The following PDSS2 variants were observed in gnomAD, a reference collection of about 807,000 sequenced individuals.
PDSS2 encodes decaprenyl diphosphate synthase subunit 2, also known as all trans-polyprenyl-diphosphate synthase PDSS2.
A neutral mutation model predicts 44.5 loss-of-function variants in PDSS2; 31 were observed. The ratio of observed to expected loss-of-function variants is 0.70; its 90% confidence interval spans 0.52 to 0.94. PDSS2 has a LOEUF of 0.94. Among genes scored for constraint, PDSS2 ranks in the 40% least tolerant of loss-of-function variants. The pLI, the probability that PDSS2 is intolerant of heterozygous loss-of-function variation, is 0.00. For synonymous variants in PDSS2, 157 were observed against 180.3 expected, an observed-to-expected ratio of 0.87 and a Z score of 1.03; for missense variants, 452 against 482.2, an observed-to-expected ratio of 0.94 and a Z score of 0.59.
rs185036088 is a variant in PDSS2 at position 107,301,782 on chromosome 6, T to G, written c.432-27555A>C. 2.1e-3 allele frequency among the ~76,000 whole-genome samples: 316 copies of G among 152,054 alleles called. 3 individuals carry two copies. The highest frequency in any genetic ancestry group is 6.8e-3 in the Middle Eastern group (2 of 294). On this transcript the variant is annotated intron_variant, in intron 2 of 7. Transcript: ENST00000369037. ...TTTGAGACCAGCTTGACCAACATGG[T>G]GAAACCTCATCTCTACTAAAATTAC...
intron 7 of PDSS2, among the ~76,000 whole-genome samples, chr6:107,173,450 T>G (rs1230551682): frequency 1.3e-5 from 2 of 151,470 alleles, no homozygotes; most frequent in African/African-American, 4.9e-5. Flanking sequence ...GGTGCACACC[T>G]GTAGTCCCAG....
At chr6:107,350,131 T>C (rs1778386118) in intron 1 of PDSS2, among the ~76,000 whole-genome samples, 1 of 152,232 alleles carries the variant, frequency 6.6e-6, no homozygotes, top group South Asian at 2.1e-4. Context: ...GAAACAATGT[T>C]GTATTCTTCC....
intron 3 of PDSS2, among the ~76,000 whole-genome samples, chr6:107,272,460 A>G (rs1381273219): frequency 6.6e-6 from 1 of 152,136 alleles, no homozygotes; most frequent in African/African-American, 2.4e-5. Context: ...ATGATGTGGT[A>G]AGATAAGGAT....
intron 1 of PDSS2, among the ~76,000 whole-genome samples, chr6:107,395,353 T>G (rs1228188440): frequency 1.3e-5 from 2 of 152,178 alleles, no homozygotes; most frequent in African/African-American, 4.8e-5. Flanking sequence ...ATGAAAATTT[T>G]TGAAACATTA....
At chr6:107,253,058 T>C (rs1162515247) in intron 3 of PDSS2, among the ~76,000 whole-genome samples, 1 of 152,210 alleles carries the variant, frequency 6.6e-6, no homozygotes, top group African/African-American at 2.4e-5. Flanking sequence ...TTTTTTGAGA[T>C]AGAGTCTCGC....
At chr6:107,231,969 A>G (rs1379601018) in intron 4 of PDSS2, among the ~76,000 whole-genome samples, 1 of 152,042 alleles carries the variant, frequency 6.6e-6, no homozygotes, top group Non-Finnish European at 1.5e-5. Context: ...TCTCAAAAAA[A>G]AAAAAAAAAA....
chr6:107,341,852 CTA>C (rs1454286502), intron 1 of PDSS2, among the ~76,000 whole-genome samples: 2 of 152,090 alleles, frequency 1.3e-5, no homozygotes, highest in Non-Finnish European at 2.9e-5. Context: ...CTATAATATA[CTA>C]TAATGCCAGG....
intron 1 of PDSS2, among the ~76,000 whole-genome samples, chr6:107,417,018 C>T (rs1780682580): frequency 6.6e-6 from 1 of 151,942 alleles, no homozygotes; most frequent in Admixed American, 6.6e-5. Context: ...TGCTTGAGCC[C>T]AGAAGTTTGA....
chr6:107,341,350 A>G (rs1463278623), intron 1 of PDSS2, among the ~76,000 whole-genome samples: 2 of 152,198 alleles, frequency 1.3e-5, no homozygotes, highest in South Asian at 2.1e-4. Context: ...GAGATTGGAA[A>G]GAAGGAGGAG....
intron 6 of PDSS2, among the ~76,000 whole-genome samples, chr6:107,194,779 C>T (rs1270094403): frequency 3.9e-5 from 6 of 151,948 alleles, no homozygotes; most frequent in African/African-American, 7.3e-5. Context: ...GGTGAAACCC[C>T]GTCTCTATTA....
At chr6:107,324,971 TACC>T (rs1452004343) in intron 2 of PDSS2, among the ~76,000 whole-genome samples, 1 of 152,120 alleles carries the variant, frequency 6.6e-6, no homozygotes, top group Non-Finnish European at 1.5e-5. Context: ...TGCTAATTAG[TACC>T]ACATTAAAAT....
intron 2 of PDSS2, among the ~76,000 whole-genome samples, chr6:107,327,576 T>C (rs1777587411): frequency 6.6e-6 from 1 of 152,154 alleles, no homozygotes; most frequent in Non-Finnish European, 1.5e-5. Context: ...TCTGCCTCAG[T>C]CTCCTGAATA....
chr6:107,245,418 C>CAAAAAAAAAAAAAAAAAAAAAAAAAAAAA, intron 4 of PDSS2, 130 bp downstream of exon 4: 1 of 115,906 alleles, frequency 8.6e-6, no homozygotes, highest in Non-Finnish European at 1.6e-5. Context: ...AAACACTAAT[C>CAAAAAAAAAAAAAAAAAAAAAAAAAAAAA]AAAAAAAAAA....
At chr6:107,288,311 A>C (rs1776222903) in intron 2 of PDSS2, among the ~76,000 whole-genome samples, 1 of 152,224 alleles carries the variant, frequency 6.6e-6, no homozygotes, top group Non-Finnish European at 1.5e-5. Flanking sequence ...TGCAAAAAAA[A>C]TATGAGGGCT....
rs576795051 is a variant in PDSS2 at position 107,371,505 on chromosome 6, T to C, written c.297-37173A>G. Among the ~76,000 whole-genome samples the C allele has an allele frequency of 2.6e-5, 4 of 152,346 alleles. No homozygotes were observed. In the South Asian group the frequency reaches 8.3e-4, roughly 32 times the overall value. On this transcript the variant is annotated intron_variant, in intron 1 of 7. Transcript: ENST00000369037. ...TTACATTCTCCTGTTTTCATTTATT[T>C]CAACTGACATTTTCCCTTACAATCT...
intron 1 of PDSS2, among the ~76,000 whole-genome samples, chr6:107,440,490 C>T (rs1026435206): frequency 3.3e-4 from 50 of 152,176 alleles, no homozygotes; most frequent in Non-Finnish European, 1.0e-4. Context: ...CTATAGAACA[C>T]AGCTTATGAG....
chr6:107,304,930 C>T (rs1050854423), intron 2 of PDSS2, among the ~76,000 whole-genome samples: 7 of 151,882 alleles, frequency 4.6e-5, no homozygotes, highest in African/African-American at 1.5e-4. Context: ...TCTGGATGCT[C>T]CTCTCGGTGG....
chr6:107,210,386 C>T (rs1397008538), intron 6 of PDSS2, 53 bp downstream of exon 6: 13 of 1,353,258 alleles, frequency 9.6e-6, no homozygotes, highest in Non-Finnish European at 1.3e-5. Flanking sequence ...CAATTATGTT[C>T]TAAAATCCAC....
chr6:107,160,465 CA>C (rs1332878748), intron 7 of PDSS2, among the ~76,000 whole-genome samples: 50 of 152,194 alleles, frequency 3.3e-4, no homozygotes, highest in African/African-American at 1.1e-3. Context: ...CCTCCCATCT[CA>C]GCCCCCAAGT....
Sources: gnomAD v4.1 joint callset for allele counts (sites outside exome capture counted in the v4.1 genomes callset) on GRCh38, gnomAD v4.1.1 for gene constraint, MANE v1.5 for transcripts, NCBI Gene and HGNC (gene_info 2026-07-23, HGNC 2026-07-21) for gene names.